SLC44A1: variants seen among roughly 807,000 people sequenced by gnomAD.
The protein encoded by SLC44A1 is solute carrier family 44 member 1.
Under a neutral mutation model 79.3 loss-of-function variants are expected in SLC44A1, and 26 were observed. The observed-to-expected ratio is 0.33, with a 90% CI of 0.24 to 0.46. The LOEUF is 0.46. SLC44A1 is among the 20% of genes least tolerant of loss of function. SLC44A1 has a pLI of 1.00. For synonymous variants in SLC44A1, 263 were observed against 286.2 expected, an observed-to-expected ratio of 0.92 and a Z score of 0.82; for missense variants, 688 against 798.1, an observed-to-expected ratio of 0.86 and a Z score of 1.66.
intron 13 of SLC44A1, among the ~76,000 whole-genome samples, chr9:105,376,602 G>A (rs1159240539): frequency 1.3e-5 from 2 of 152,088 alleles, no homozygotes; most frequent in East Asian, 1.9e-4. Flanking sequence ...TCAAACTCCC[G>A]ACCTCAGGTG....
chr9:105,307,433 C>T (rs1395631477), intron 2 of SLC44A1, among the ~76,000 whole-genome samples: 1 of 152,092 alleles, frequency 6.6e-6, no homozygotes, highest in Non-Finnish European at 1.5e-5. Context: ...CACTTGAGGT[C>T]AGGAGTTTGA....
intron 4 of SLC44A1, among the ~76,000 whole-genome samples, chr9:105,339,432 A>G (rs866077960): frequency 6.6e-6 from 1 of 152,224 alleles, no homozygotes; most frequent in African/African-American, 2.4e-5. Flanking sequence ...TCAAAATAGG[A>G]TCTTAAAGAG....
intron 3 of SLC44A1, among the ~76,000 whole-genome samples, chr9:105,310,801 T>C (rs1831160185): frequency 6.6e-6 from 1 of 152,178 alleles, no homozygotes; most frequent in Admixed American, 6.5e-5. Context: ...CCTGAAGAAA[T>C]CCAAATAGTT....
At chr9:105,308,408 A>G (rs1831087840) in intron 2 of SLC44A1, among the ~76,000 whole-genome samples, 1 of 152,220 alleles carries the variant, frequency 6.6e-6, no homozygotes, top group Non-Finnish European at 1.5e-5. Context: ...TGAGACAGAA[A>G]GTTGAAGCTA....
rs182488164 is a variant in SLC44A1 at position 105,247,384 on chromosome 9, G to A, written c.36+2480G>A. Among the ~76,000 whole-genome samples, 962 of 152,166 alleles carry A rather than the reference G, an allele frequency of 6.3e-3. 10 individuals carry two copies. The highest frequency in any genetic ancestry group is 0.022 in the African/African-American group (931 of 41,508). On this transcript the variant is annotated intron_variant, in intron 1 of 15. Coordinates refer to ENST00000374720, the MANE Select transcript of SLC44A1 (RefSeq NM_080546.5). Reference sequence around the variant, plus strand: ...GCGATCTCAGCTCACTGCAACCTCCGCCTCCTGGGTTCGAGCGATTTTCCT... The same window carrying A: ...GCGATCTCAGCTCACTGCAACCTCCACCTCCTGGGTTCGAGCGATTTTCCT...
At chr9:105,250,763 A>G (rs1829565045) in intron 1 of SLC44A1, among the ~76,000 whole-genome samples, 1 of 152,182 alleles carries the variant, frequency 6.6e-6, no homozygotes, top group African/African-American at 2.4e-5. Context: ...TTGGCTGCAC[A>G]TTGGAATCAC....
intron 12 of SLC44A1, 81 bp from the exon 13 acceptor site, chr9:105,374,517 A>C: frequency 7.4e-7 from 1 of 1,351,406 alleles, no homozygotes; most frequent in East Asian, 2.3e-5. Context: ...TTTAAAAGCT[A>C]TGTTTTAGCT....
intron 15 of SLC44A1, among the ~76,000 whole-genome samples, chr9:105,418,106 A>C (rs1475472369): frequency 6.6e-6 from 1 of 152,098 alleles, no homozygotes; most frequent in African/African-American, 2.4e-5. Context: ...ACCTGAGGTC[A>C]GGAGTTCAAG....
At chr9:105,289,049 C>A (rs1362559418) in intron 1 of SLC44A1, among the ~76,000 whole-genome samples, 2 of 152,078 alleles carry the variant, frequency 1.3e-5, no homozygotes, top group African/African-American at 4.8e-5. Context: ...ATAATATCTG[C>A]GGGAAAAGGA....
At chr9:105,263,942 T>G (rs774156580) in intron 1 of SLC44A1, among the ~76,000 whole-genome samples, 1 of 152,134 alleles carries the variant, frequency 6.6e-6, no homozygotes, top group Non-Finnish European at 1.5e-5. Context: ...CTTTTAAATC[T>G]TTAATTCTTT....
intron 13 of SLC44A1, among the ~76,000 whole-genome samples, chr9:105,381,890 A>G (rs1828476982): frequency 6.6e-6 from 1 of 152,214 alleles, no homozygotes; most frequent in Non-Finnish European, 1.5e-5. Context: ...GAAAATGCCA[A>G]AGAAGAATTC....
chr9:105,304,944 G>GTTTTTTTT (rs10589897), intron 2 of SLC44A1, among the ~76,000 whole-genome samples: 2 of 20,078 alleles, frequency 1.0e-4, no homozygotes, highest in Non-Finnish European at 1.1e-4. Context: ...ACTTTCTATC[G>GTTTTTTTT]TTTTTTTTTT....
At chr9:105,309,604 T>TA in intron 2 of SLC44A1, 120 bp from the exon 3 acceptor site, 1 of 822,122 alleles carries the variant, frequency 1.2e-6, no homozygotes, top group Middle Eastern at 3.0e-4. Context: ...GTGTTTGCAG[T>TA]AAGAAAAGAT....
At chr9:105,338,199 T>C (rs1330148238) in intron 4 of SLC44A1, among the ~76,000 whole-genome samples, 1 of 152,188 alleles carries the variant, frequency 6.6e-6, no homozygotes, top group Non-Finnish European at 1.5e-5. Context: ...GAGAGCCTTT[T>C]GTATAGAGGC....
intron 15 of SLC44A1, among the ~76,000 whole-genome samples, chr9:105,436,996 C>T (rs891881313): frequency 6.6e-6 from 1 of 152,122 alleles, no homozygotes; most frequent in Admixed American, 6.6e-5. Flanking sequence ...TCCAAGCTCT[C>T]CTGGCATCTT....
intron 3 of SLC44A1, among the ~76,000 whole-genome samples, chr9:105,311,541 A>G (rs1831181030): frequency 1.3e-5 from 2 of 152,134 alleles, no homozygotes; most frequent in African/African-American, 4.8e-5. Flanking sequence ...GCAGGCTGCA[A>G]ATACTTGGAT....
Position 105,309,847 on chromosome 9 carries a change from A to G in SLC44A1, c.250A>G (p.Met84Val), listed in dbSNP as rs920259988. The part of the protein sequence containing the change: ...TKLEAIPNSG[M>V]DHTQRKYVFF... The stretch of plus-strand genomic sequence containing the variant: ...GTTGGAAGCAATACCAAACAGTGGC[A>G]TGGACCACACCCAGCGGAAGTGAGT... The change falls in exon 3 of 16, where the codon ATG becomes GTG. Residue 84 changes from methionine (M) to valine (V), a missense_variant. Coordinates refer to ENST00000374720, the MANE Select transcript of SLC44A1 (RefSeq NM_080546.5). 3 of 1,613,698 alleles carry G rather than the reference A, an allele frequency of 1.9e-6. No homozygotes were observed. Among genetic ancestry groups the G allele is most frequent in the African/African-American group, 2.7e-5 (2 of 74,934 alleles).
At chr9:105,363,521 G>C (rs1392454482) in intron 9 of SLC44A1, among the ~76,000 whole-genome samples, 1 of 151,332 alleles carries the variant, frequency 6.6e-6, no homozygotes, top group East Asian at 1.9e-4. Flanking sequence ...CTGGAGTGCA[G>C]TGGTGTGATC....
intron 13 of SLC44A1, among the ~76,000 whole-genome samples, chr9:105,375,024 G>T (rs1056692157): frequency 2.0e-5 from 3 of 152,128 alleles, no homozygotes; most frequent in Non-Finnish European, 4.4e-5. Context: ...CTCTTTCTGT[G>T]TTGTTTTTTT....
Sources: gnomAD v4.1 joint callset for allele counts (sites outside exome capture counted in the v4.1 genomes callset) on GRCh38, gnomAD v4.1.1 for gene constraint, MANE v1.5 for transcripts, NCBI Gene and HGNC (gene_info 2026-07-23, HGNC 2026-07-21) for gene names.